NHS: variants seen among roughly 807,000 people sequenced by gnomAD.
NHS encodes the protein NHS actin remodeling regulator, also known as actin remodeling regulator NHS.
A neutral mutation model predicts 72.5 loss-of-function variants in NHS; 5 were observed. The observed-to-expected ratio is 0.07, with a 90% CI of 0.04 to 0.14. NHS has a LOEUF of 0.14. Among genes scored for constraint, NHS ranks in the 10% least tolerant of loss-of-function variants. The pLI is 1.00. For missense variants in NHS, 1,072 were observed against 1,355.7 expected, an observed-to-expected ratio of 0.79 and a Z score of 3.29; for synonymous variants, 464 against 547.7, an observed-to-expected ratio of 0.85 and a Z score of 2.13.
rs758497346 is a variant in NHS, at chrX:17,533,163, A to G, written c.566-154579A>G. Among the ~76,000 whole-genome samples the G allele has an allele frequency of 3.6e-5, 4 of 112,452 alleles. No homozygotes were observed. In the South Asian group the frequency reaches 1.5e-3, roughly 42 times the overall value. On this transcript the variant is annotated intron_variant, in intron 1 of 8. Transcript: ENST00000676302. ...GCAGCAAAGACATGGGAGAGGGCCA[A>G]AGCTCTTAGAGAAGTGAAAGTCATT... is the stretch of plus-strand genomic sequence containing the variant.
chrX:17,432,632 G>A (rs1294567561), intron 1 of NHS, among the ~76,000 whole-genome samples: 1 of 112,139 alleles, frequency 8.9e-6, no homozygotes, highest in East Asian at 2.8e-4. Context: ...ATAGTGCCTG[G>A]GTCAATTGTT....
chrX:17,729,667 T>G (rs752263345), intron 8 of NHS, among the ~76,000 whole-genome samples: 1 of 111,798 alleles, frequency 8.9e-6, no homozygotes, highest in Non-Finnish European at 1.9e-5. Flanking sequence ...TTGCAAAAAT[T>G]ATTCCTTATA....
At chrX:17,390,613 T>C (rs776738064) in intron 1 of NHS, among the ~76,000 whole-genome samples, 289 of 111,756 alleles carry the variant, frequency 2.6e-3, no homozygotes, top group Non-Finnish European at 4.2e-3. Flanking sequence ...GAAGAGACAT[T>C]GGGAAGGGTT....
chrX:17,724,028 G>A (rs2066425866), intron 5 of NHS, among the ~76,000 whole-genome samples: 1 of 111,347 alleles, frequency 9.0e-6, no homozygotes, highest in Non-Finnish European at 1.9e-5. Flanking sequence ...GGATTTTTTG[G>A]ATGTCTTTTT....
intron 1 of NHS, among the ~76,000 whole-genome samples, chrX:17,517,851 A>G (rs2065128628): frequency 8.9e-6 from 1 of 111,784 alleles, no homozygotes; most frequent in Non-Finnish European, 1.9e-5. Flanking sequence ...GAGAACTAAT[A>G]TTAGGTGTCT....
intron 1 of NHS, among the ~76,000 whole-genome samples, chrX:17,399,351 C>T (rs556308288): frequency 6.3e-5 from 7 of 111,607 alleles, no homozygotes; most frequent in East Asian, 2.8e-4. Flanking sequence ...ATCCACCCGC[C>T]GTGGCCTCCC....
At chrX:17,568,359 A>T (rs2065456219) in intron 1 of NHS, among the ~76,000 whole-genome samples, 1 of 111,920 alleles carries the variant, frequency 8.9e-6, no homozygotes. Context: ...CATATGTAAG[A>T]TCACTATTCA....
At chrX:17,660,168 C>T (rs748413121) in intron 1 of NHS, among the ~76,000 whole-genome samples, 1 of 112,345 alleles carries the variant, frequency 8.9e-6, no homozygotes, top group South Asian at 3.7e-4. Context: ...CAGCTCCCAA[C>T]CTCCAGCTCC....
intron 1 of NHS, among the ~76,000 whole-genome samples, chrX:17,538,680 T>G (rs1211464612): frequency 8.9e-6 from 1 of 111,912 alleles, no homozygotes; most frequent in Non-Finnish European, 1.9e-5. Context: ...GGAAGGGGCT[T>G]CACCGGATAG....
intron 1 of NHS, among the ~76,000 whole-genome samples, chrX:17,550,265 C>T (rs2065325999): frequency 8.9e-6 from 1 of 112,078 alleles, no homozygotes; most frequent in South Asian, 3.7e-4. Flanking sequence ...CTCAAACCTT[C>T]CTTGGACTTG....
intron 1 of NHS, among the ~76,000 whole-genome samples, chrX:17,458,562 G>T (rs953513067): frequency 9.0e-6 from 1 of 110,645 alleles, no homozygotes; most frequent in African/African-American, 3.3e-5. Context: ...GCTTGATATC[G>T]GCTCACTGCA....
chrX:17,648,229 A>C (rs901016558), intron 1 of NHS, among the ~76,000 whole-genome samples: 2 of 111,878 alleles, frequency 1.8e-5, no homozygotes, highest in African/African-American at 6.5e-5. Flanking sequence ...TGAATGACCT[A>C]GAGTGGCCTT....
intron 1 of NHS, among the ~76,000 whole-genome samples, chrX:17,462,765 C>T (rs188186415): frequency 2.6e-4 from 29 of 111,677 alleles, no homozygotes; most frequent in African/African-American, 8.8e-4. Flanking sequence ...GGTCAACTGT[C>T]TTATCTAATT....
At chrX:17,655,849 G>A (rs1220849151) in intron 1 of NHS, among the ~76,000 whole-genome samples, 1 of 113,085 alleles carries the variant, frequency 8.8e-6, no homozygotes, top group Non-Finnish European at 1.9e-5. Context: ...GGAGCGCGCC[G>A]TGCGCAGAGA....
Position 17,727,372 on chromosome X carries a change from T to A in NHS, c.3266T>A (p.Leu1089His). Residue 1089 changes from leucine to histidine, a missense_variant, in exon 7 of 9, where the codon CTT (leucine) becomes CAT (histidine). Transcript: ENST00000676302. ...LELPIIPPTH[L>H]DLSALHNVLN... ...CTTCCAATTATACCTCCTACCCATC[T>A]TGATCTAAGTGCTCTTCATAATGTC... The A allele has an allele frequency of 8.3e-7, 1 of 1,210,321 alleles. No individual in the cohort carries two copies. The highest frequency in any genetic ancestry group is 3.0e-5 in the East Asian group (1 of 33,845).
chrX:17,709,637 A>G (rs4825303), intron 3 of NHS, among the ~76,000 whole-genome samples: 10,501 of 111,544 alleles, frequency 0.094, 887 homozygotes, highest in East Asian at 0.43. Context: ...AACAGCAGCA[A>G]GAAGCTAACA....
intron 1 of NHS, chrX:17,425,873 A>G (rs2064654520): frequency 2.7e-5 from 3 of 112,961 alleles, no homozygotes; most frequent in African/African-American, 9.8e-5. Context: ...GGACCAAGTA[A>G]CTTCTCCAAA....
intron 1 of NHS, chrX:17,425,860 G>A (rs1419856643): frequency 8.9e-6 from 1 of 112,975 alleles, no homozygotes; most frequent in African/African-American, 3.3e-5. Context: ...ATACAGACAT[G>A]ATGGACCAAG....
intron 1 of NHS, among the ~76,000 whole-genome samples, chrX:17,682,693 A>G (rs1281202748): frequency 9.0e-6 from 1 of 111,314 alleles, no homozygotes; most frequent in East Asian, 2.8e-4. Flanking sequence ...AGCAGGGGAG[A>G]AAGCCAGTGT....
Sources: gnomAD v4.1 joint callset for allele counts (sites outside exome capture counted in the v4.1 genomes callset) on GRCh38, gnomAD v4.1.1 for gene constraint, MANE v1.5 for transcripts, NCBI Gene and HGNC (gene_info 2026-07-23, HGNC 2026-07-21) for gene names.